GFOD1: variants seen among roughly 807,000 people sequenced by gnomAD.
GFOD1 encodes Gfo/Idh/MocA-like oxidoreductase domain containing 1, also known as glucose-fructose oxidoreductase domain-containing protein 1.
In GFOD1, 9 loss-of-function variants were observed where a neutral mutation model predicts 25.4. That is an observed-to-expected ratio of 0.35 (90% confidence interval 0.21 to 0.62). The LOEUF is 0.62. Ranked by LOEUF, GFOD1 falls within the 20% of genes least tolerant of loss-of-function variation. The pLI is 0.72. For missense variants in GFOD1, 403 were observed against 556.9 expected, an observed-to-expected ratio of 0.72 and a Z score of 2.78; for synonymous variants, 253 against 245.6, an observed-to-expected ratio of 1.03 and a Z score of -0.28.
intron 1 of GFOD1, among the ~76,000 whole-genome samples, chr6:13,447,069 G>T (rs1189893903): frequency 6.6e-6 from 1 of 152,226 alleles, no homozygotes; most frequent in Non-Finnish European, 1.5e-5. Flanking sequence ...GATCACAGAA[G>T]ATCGGTGTCA....
chr6:13,416,961 G>C (rs73366922), intron 1 of GFOD1, among the ~76,000 whole-genome samples: 13,234 of 152,224 alleles, frequency 0.087, 832 homozygotes, highest in African/African-American at 0.17. Flanking sequence ...GAGCCTGGCT[G>C]AGACACTGCC....
intron 1 of GFOD1, among the ~76,000 whole-genome samples, chr6:13,457,215 G>T (rs1050961644): frequency 3.9e-5 from 6 of 152,214 alleles, no homozygotes; most frequent in Non-Finnish European, 8.8e-5. Flanking sequence ...ATGGGCACCT[G>T]CCAGGAATTT....
chr6:13,385,410 T>G (rs962184195), intron 1 of GFOD1, among the ~76,000 whole-genome samples: 1 of 152,116 alleles, frequency 6.6e-6, no homozygotes, highest in African/African-American at 2.4e-5. Flanking sequence ...TGGTAAATAG[T>G]TATGGTGGGA....
At chr6:13,378,729 T>C (rs77893239) in intron 1 of GFOD1, among the ~76,000 whole-genome samples, 2,607 of 152,240 alleles carry the variant, frequency 0.017, 26 homozygotes, top group African/African-American at 0.029. Flanking sequence ...TCCACTTCCA[T>C]GAACCTAGGT....
At chr6:13,390,034 C>A (rs1015892288) in intron 1 of GFOD1, among the ~76,000 whole-genome samples, 2 of 152,002 alleles carry the variant, frequency 1.3e-5, no homozygotes, top group Non-Finnish European at 2.9e-5. Flanking sequence ...CCCATTGTGC[C>A]ACTCTTCTCC....
At chr6:13,428,673 C>G (rs1460604792) in intron 1 of GFOD1, among the ~76,000 whole-genome samples, 2 of 135,172 alleles carry the variant, frequency 1.5e-5, no homozygotes, top group Non-Finnish European at 3.3e-5. Context: ...ACCAAAAAAG[C>G]CTTCCCTGAG....
chr6:13,386,763 C>T (rs1012989741), intron 1 of GFOD1, among the ~76,000 whole-genome samples: 3 of 152,170 alleles, frequency 2.0e-5, no homozygotes, highest in African/African-American at 7.2e-5. Context: ...GACTCAGCCA[C>T]CATCTGTGTG....
At chr6:13,460,035 G>A (rs1169917901) in intron 1 of GFOD1, among the ~76,000 whole-genome samples, 1 of 152,236 alleles carries the variant, frequency 6.6e-6, no homozygotes, top group Non-Finnish European at 1.5e-5. Context: ...TGGGGAGGCT[G>A]AGGCAGGAGA....
chr6:13,434,391 T>C (rs540441414), intron 1 of GFOD1, among the ~76,000 whole-genome samples: 276 of 144,832 alleles, frequency 1.9e-3, no homozygotes, highest in African/African-American at 7.0e-3. Context: ...CATGGCATTA[T>C]GAGAACACAA....
chr6:13,383,178 C>T (rs1445781789), intron 1 of GFOD1, among the ~76,000 whole-genome samples: 1 of 152,104 alleles, frequency 6.6e-6, no homozygotes. Flanking sequence ...CCTTTGTAAT[C>T]CCACAAACAT....
At chr6:13,470,263 C>T in intron 1 of GFOD1, 3 of 1,593,296 alleles carry the variant, frequency 1.9e-6, no homozygotes, top group Non-Finnish European at 2.6e-6. Context: ...GAAGCACATC[C>T]CTCCTGGAAT....
chr6:13,407,542 A>G (rs1186570973), intron 1 of GFOD1, among the ~76,000 whole-genome samples: 1 of 152,240 alleles, frequency 6.6e-6, no homozygotes, highest in Non-Finnish European at 1.5e-5. Flanking sequence ...AAAGGATGAC[A>G]TTAAAATAGA....
At chr6:13,409,922 C>CAAAAAA (rs757548005) in intron 1 of GFOD1, among the ~76,000 whole-genome samples, 1 of 72,078 alleles carries the variant, frequency 1.4e-5, no homozygotes, top group East Asian at 3.8e-4. Context: ...GGCTCCATTT[C>CAAAAAA]AAAAAAAAAA....
chr6:13,463,644 A>G (rs1288358105), intron 1 of GFOD1, among the ~76,000 whole-genome samples: 1 of 152,218 alleles, frequency 6.6e-6, no homozygotes, highest in African/African-American at 2.4e-5. Flanking sequence ...TTGTTAATGA[A>G]ATGAAAGAAA....
At chr6:13,391,908 G>T (rs561806158) in intron 1 of GFOD1, among the ~76,000 whole-genome samples, 3 of 152,320 alleles carry the variant, frequency 2.0e-5, no homozygotes, top group Non-Finnish European at 4.4e-5. Flanking sequence ...GCTGTTGTGG[G>T]TTATTCTTTA....
chr6:13,381,294 T>C (rs758899953), intron 1 of GFOD1, among the ~76,000 whole-genome samples: 2 of 152,224 alleles, frequency 1.3e-5, no homozygotes, highest in Non-Finnish European at 2.9e-5. Flanking sequence ...ATTCAAAATC[T>C]GAAAAGCTGG....
intron 1 of GFOD1, among the ~76,000 whole-genome samples, chr6:13,377,449 C>T (rs148183576): frequency 2.2e-4 from 34 of 152,232 alleles, no homozygotes; most frequent in African/African-American, 7.7e-4. Context: ...GACTGAGGTC[C>T]CCATCTCCTT....
intron 1 of GFOD1, among the ~76,000 whole-genome samples, chr6:13,468,800 C>T (rs1758423479): frequency 6.6e-6 from 1 of 152,054 alleles, no homozygotes; most frequent in Non-Finnish European, 1.5e-5. Flanking sequence ...TCAAGGCCCC[C>T]CTGACCAATC....
In GFOD1 at chr6:13,388,572, A is replaced by G. The variant is rs187610704; in HGVS notation, c.254-22910T>C. ...ACTGGCTAGCCATATGTAGAAAGCT[A>G]AAACTGGATCTCTTCCTTACACCTT... is the stretch of plus-strand genomic sequence containing the variant. On this transcript the variant is annotated intron_variant, in intron 1 of 1. Coordinates refer to ENST00000379287, the MANE Select transcript of GFOD1 (RefSeq NM_018988.4). 3.6e-3 allele frequency among the ~76,000 whole-genome samples: 548 copies of G among 152,270 alleles called. 3 individuals carry two copies. Among genetic ancestry groups the G allele is most frequent in the African/African-American group, 0.013 (532 of 41,554 alleles).
Sources: allele counts gnomAD v4.1 joint callset (sites outside exome capture counted in the v4.1 genomes callset), GRCh38; gene constraint gnomAD v4.1.1; transcripts MANE v1.5; gene names NCBI Gene and HGNC (gene_info 2026-07-23, HGNC 2026-07-21).